CDH13: variants seen among roughly 807,000 people sequenced by gnomAD.
The protein encoded by CDH13 is cadherin 13.
A neutral mutation model predicts 63.8 loss-of-function variants in CDH13; 24 were observed. The observed-to-expected ratio is 0.38, with a 90% CI of 0.27 to 0.53. The LOEUF is 0.53. CDH13 is among the 20% of genes least tolerant of loss of function. The probability of loss-of-function intolerance (pLI) is 0.85; values close to 1 mark genes in which losing one functional copy is unlikely to be tolerated. For missense variants in CDH13, 1,049 were observed against 903.1 expected, an observed-to-expected ratio of 1.16 and a Z score of -2.07; for synonymous variants, 503 against 355.3, an observed-to-expected ratio of 1.42 and a Z score of -4.67.
chr16:82,968,257 C>G (rs1024535500), intron 2 of CDH13, among the ~76,000 whole-genome samples: 6 of 152,162 alleles, frequency 3.9e-5, no homozygotes, highest in African/African-American at 1.4e-4. Context: ...ATTCAAGTAT[C>G]CTAGCACGTC....
Position 82,970,667 on chromosome 16 carries a change from A to C in CDH13, c.158-61343A>C, listed in dbSNP as rs536862297. On this transcript the variant is annotated intron_variant, in intron 2 of 13. Transcript: ENST00000567109. ...ACCCGCCTCGGCCTCCCAAAGTGCCAGTGCATATTCTTAAGGGCTCAGCTT... is the reference window on the plus strand; with the variant it reads ...ACCCGCCTCGGCCTCCCAAAGTGCCCGTGCATATTCTTAAGGGCTCAGCTT... Among the ~76,000 whole-genome samples, 14 of 152,198 alleles carry C rather than the reference A, an allele frequency of 9.2e-5. No homozygotes were observed. In the South Asian group the frequency reaches 2.9e-3, roughly 32 times the overall value.
chr16:82,649,833 C>G (rs1171381608), intron 1 of CDH13, among the ~76,000 whole-genome samples: 1 of 152,204 alleles, frequency 6.6e-6, no homozygotes, highest in African/African-American at 2.4e-5. Flanking sequence ...AACCCCATAA[C>G]TGTCTCTGCT....
At chr16:83,644,455 A>G (rs745697127) in intron 8 of CDH13, among the ~76,000 whole-genome samples, 1 of 152,356 alleles carries the variant, frequency 6.6e-6, no homozygotes, top group Non-Finnish European at 1.5e-5. Flanking sequence ...TCACGTACAT[A>G]TATGAAAGTC....
intron 4 of CDH13, among the ~76,000 whole-genome samples, chr16:83,151,772 C>G (rs1567880650): frequency 6.6e-6 from 1 of 152,132 alleles, no homozygotes; most frequent in South Asian, 2.1e-4. Context: ...CACGGCCAGC[C>G]TGACCAACAT....
intron 4 of CDH13, among the ~76,000 whole-genome samples, chr16:83,205,707 C>T (rs1003256155): frequency 1.3e-5 from 2 of 148,906 alleles, no homozygotes; most frequent in Admixed American, 6.8e-5. Flanking sequence ...TGATTTCAAG[C>T]GATTCCCCTG....
intron 5 of CDH13, among the ~76,000 whole-genome samples, chr16:83,301,320 C>T (rs183760159): frequency 7.0e-4 from 106 of 152,188 alleles, no homozygotes; most frequent in African/African-American, 2.3e-3. Context: ...CGTGAGCCAC[C>T]GCACCTGGTC....
At position 83,139,281 on chromosome 16, in the gene CDH13, G is replaced by C. The variant is rs1416887672; in HGVS notation, c.483+13780G>C. 4.6e-5 allele frequency among the ~76,000 whole-genome samples: 7 copies of C among 152,298 alleles called. No individual in the cohort carries two copies. The East Asian group carries it at 1.4e-3, about 29-fold the overall frequency. On this transcript the variant is annotated intron_variant, in intron 4 of 13. Transcript: ENST00000567109. ...TCACACGTCTCTTCCCAGTGTCCCT[G>C]ACTCATCCATGCCTAGGGATTTTAC...
At chr16:82,821,578 A>T (rs943776773) in intron 1 of CDH13, among the ~76,000 whole-genome samples, 1 of 152,246 alleles carries the variant, frequency 6.6e-6, no homozygotes, top group African/African-American at 2.4e-5. Flanking sequence ...TGGCACAGAC[A>T]GTCATGGAGC....
chr16:83,066,268 A>C (rs968638186), intron 3 of CDH13, among the ~76,000 whole-genome samples: 2 of 152,222 alleles, frequency 1.3e-5, no homozygotes, highest in Non-Finnish European at 2.9e-5. Context: ...AATTTGCATG[A>C]GATACGGGAG....
chr16:83,256,114 G>T (rs1442083920), intron 5 of CDH13, among the ~76,000 whole-genome samples: 2 of 152,154 alleles, frequency 1.3e-5, no homozygotes, highest in Non-Finnish European at 2.9e-5. Context: ...GCTCACTGCA[G>T]CCTTGACTTC....
intron 11 of CDH13, among the ~76,000 whole-genome samples, chr16:83,769,850 A>C (rs1460298628): frequency 6.6e-6 from 1 of 152,096 alleles, no homozygotes; most frequent in African/African-American, 2.4e-5. Flanking sequence ...TTTGCATTTC[A>C]AAAAGGGCTA....
At chr16:83,665,363 A>T (rs1411504595) in intron 8 of CDH13, among the ~76,000 whole-genome samples, 2 of 152,096 alleles carry the variant, frequency 1.3e-5, no homozygotes, top group Non-Finnish European at 1.5e-5. Flanking sequence ...ACAAATACTG[A>T]CTCCTTGTTA....
In CDH13 at chr16:82,806,972, C is replaced by A. The variant is rs146567730; in HGVS notation, c.46-51390C>A. On this transcript the variant is annotated intron_variant, in intron 1 of 13. Transcript: ENST00000567109. The stretch of plus-strand genomic sequence containing the variant: ...ATCATTGGGGTGAAATCCAAGACAA[C>A]TATGGGTAGCAAAGGAAGCAGCTAT... Among the ~76,000 whole-genome samples the A allele has an allele frequency of 1.5e-3, 232 of 152,206 alleles. 1 individual carries two copies. The highest frequency in any genetic ancestry group is 5.5e-3 in the African/African-American group (227 of 41,542).
At chr16:83,564,298 G>A (rs1209368030) in intron 7 of CDH13, among the ~76,000 whole-genome samples, 3 of 151,910 alleles carry the variant, frequency 2.0e-5, no homozygotes, top group Non-Finnish European at 2.9e-5. Flanking sequence ...GGGAACAATT[G>A]GGTAAGTGAG....
chr16:83,698,978 C>A (rs1431808382), intron 10 of CDH13, among the ~76,000 whole-genome samples: 1 of 152,240 alleles, frequency 6.6e-6, no homozygotes, highest in African/African-American at 2.4e-5. Context: ...CCATGGTACA[C>A]CCCTACCAGC....
chr16:82,935,513 C>T (rs915989362), intron 2 of CDH13, among the ~76,000 whole-genome samples: 1 of 152,154 alleles, frequency 6.6e-6, no homozygotes, highest in African/African-American at 2.4e-5. Flanking sequence ...TGGTTTCCAA[C>T]GTGTTTTCCT....
chr16:83,271,953 A>T (rs910077196), intron 5 of CDH13, among the ~76,000 whole-genome samples: 1 of 152,234 alleles, frequency 6.6e-6, no homozygotes, highest in Non-Finnish European at 1.5e-5. Context: ...TTTTGATCCA[A>T]TACATCTCAC....
chr16:83,248,849 A>G (rs1416073502), intron 5 of CDH13, among the ~76,000 whole-genome samples: 3 of 152,180 alleles, frequency 2.0e-5, no homozygotes, highest in Non-Finnish European at 4.4e-5. Context: ...AATTTAGTGT[A>G]GGCAATTGTC....
At position 83,315,543 on chromosome 16, in the gene CDH13, C is replaced by T. The variant is rs534508418; in HGVS notation, c.637-29319C>T. Reference sequence around the variant, plus strand: ...CTGGTATGATAGTAACTGCATAAGACCTATAGGCACATAGTTCATCACCAA... The same window carrying T: ...CTGGTATGATAGTAACTGCATAAGATCTATAGGCACATAGTTCATCACCAA... On this transcript the variant is annotated intron_variant, in intron 5 of 13. Coordinates refer to ENST00000567109, the MANE Select transcript of CDH13 (RefSeq NM_001257.5). Among the ~76,000 whole-genome samples, 180 of 152,016 alleles carry T rather than the reference C, an allele frequency of 1.2e-3. 1 individual carries two copies. Among genetic ancestry groups the T allele is most frequent in the African/African-American group, 4.3e-3 (177 of 41,470 alleles).
Sources: allele counts gnomAD v4.1 joint callset (sites outside exome capture counted in the v4.1 genomes callset), GRCh38; gene constraint gnomAD v4.1.1; transcripts MANE v1.5; gene names NCBI Gene and HGNC (gene_info 2026-07-23, HGNC 2026-07-21).